RABGAP1L: variants seen among roughly 807,000 people sequenced by gnomAD.
The protein encoded by RABGAP1L is rab GTPase-activating protein 1-like.
RABGAP1L carries 63 observed loss-of-function variants against 137.7 expected under a neutral mutation model. The ratio of observed to expected loss-of-function variants is 0.46; its 90% confidence interval spans 0.37 to 0.56. RABGAP1L has a LOEUF of 0.56. RABGAP1L is among the 20% of genes least tolerant of loss of function. The pLI, the probability that RABGAP1L is intolerant of heterozygous loss-of-function variation, is 0.00. For synonymous variants in RABGAP1L, 431 were observed against 433.7 expected, an observed-to-expected ratio of 0.99 and a Z score of 0.08; for missense variants, 1,095 against 1,244.0, an observed-to-expected ratio of 0.88 and a Z score of 1.80.
chr1:174,326,266 A>G (rs1680433715), intron 11 of RABGAP1L, among the ~76,000 whole-genome samples: 1 of 152,240 alleles, frequency 6.6e-6, no homozygotes, highest in Non-Finnish European at 1.5e-5. Flanking sequence ...TGGACAAAGA[A>G]TTCAAAATAG....
At chr1:174,336,456 T>C (rs575779951) in intron 11 of RABGAP1L, among the ~76,000 whole-genome samples, 5 of 152,274 alleles carry the variant, frequency 3.3e-5, no homozygotes, top group African/African-American at 1.2e-4. Flanking sequence ...GAAAAGGAAC[T>C]AGAGGATATA....
At chr1:174,590,347 T>TTTA (rs774416743) in intron 13 of RABGAP1L, among the ~76,000 whole-genome samples, 2 of 134,014 alleles carry the variant, frequency 1.5e-5, no homozygotes, top group Admixed American at 7.5e-5. Context: ...TTTTTTTTTT[T>TTTA]ATTTATTTTT....
intron 17 of RABGAP1L, among the ~76,000 whole-genome samples, chr1:174,735,537 G>GC (rs1682857454): frequency 7.1e-6 from 1 of 140,116 alleles, no homozygotes; most frequent in African/African-American, 2.8e-5. Flanking sequence ...ACTTGAACCT[G>GC]GGAGGCAGAG....
chr1:174,929,651 G>T (rs1480097335), intron 19 of RABGAP1L, among the ~76,000 whole-genome samples: 1 of 151,880 alleles, frequency 6.6e-6, no homozygotes, highest in Admixed American at 6.6e-5. Flanking sequence ...GCTGAGGCAG[G>T]ATTATGGCTT....
intron 19 of RABGAP1L, among the ~76,000 whole-genome samples, chr1:174,852,909 A>G (rs1648619616): frequency 6.6e-6 from 1 of 152,120 alleles, no homozygotes; most frequent in African/African-American, 2.4e-5. Flanking sequence ...ACTAGTAGAA[A>G]AATGTTTCTA....
At chr1:174,474,302 T>C (rs1481820890) in intron 13 of RABGAP1L, among the ~76,000 whole-genome samples, 1 of 152,224 alleles carries the variant, frequency 6.6e-6, no homozygotes, top group Admixed American at 6.5e-5. Flanking sequence ...GTCAGCTTTT[T>C]AAAAATCTTT....
intron 17 of RABGAP1L, among the ~76,000 whole-genome samples, chr1:174,712,622 C>A (rs1680647138): frequency 6.6e-6 from 1 of 152,204 alleles, no homozygotes; most frequent in Admixed American, 6.5e-5. Flanking sequence ...AGACCAAGAA[C>A]CCACCAATTC....
chr1:174,599,213 G>A (rs1306473621), intron 13 of RABGAP1L, among the ~76,000 whole-genome samples: 1 of 152,168 alleles, frequency 6.6e-6, no homozygotes, highest in African/African-American at 2.4e-5. Flanking sequence ...AAAGCAGAAG[G>A]AAAACTAATA....
chr1:174,586,501 A>G (rs918459298), intron 13 of RABGAP1L, among the ~76,000 whole-genome samples: 4 of 152,142 alleles, frequency 2.6e-5, no homozygotes, highest in Middle Eastern at 3.2e-3. Context: ...ACGTTTACCT[A>G]TGTAACAAAC....
rs141804847 is a variant in RABGAP1L, at chr1:174,448,531, T to C, written c.1710+54386T>C. On this transcript the variant is annotated intron_variant, in intron 13 of 25. Coordinates refer to ENST00000681986, the MANE Select transcript of RABGAP1L (RefSeq NM_001366446.1). This position sits in a 1 kb window ranked among gnomAD's most constrained non-coding sequence, Gnocchi z 4.2. Reference sequence around the variant, plus strand: ...TTGCTTGCATCAGTGTGGATCGTTATCTTGCAATAACCAAGCCTCTTTCCT... The same window carrying C: ...TTGCTTGCATCAGTGTGGATCGTTACCTTGCAATAACCAAGCCTCTTTCCT... 5.6e-6 allele frequency: 9 copies of C among 1,613,166 alleles called. No homozygotes were observed. Among genetic ancestry groups the C allele is most frequent in the African/African-American group, 5.3e-5 (4 of 75,014 alleles).
intron 13 of RABGAP1L, among the ~76,000 whole-genome samples, chr1:174,455,459 A>T (rs1466125989): frequency 6.6e-6 from 1 of 152,044 alleles, no homozygotes; most frequent in Non-Finnish European, 1.5e-5. Flanking sequence ...GAGTTGTATG[A>T]CCTGTTCTTT....
chr1:174,508,466 C>G (rs950377230), intron 13 of RABGAP1L, among the ~76,000 whole-genome samples: 19 of 152,248 alleles, frequency 1.2e-4, no homozygotes, highest in African/African-American at 4.6e-4. Flanking sequence ...TCAATCATTT[C>G]TGCCATGTTC....
intron 18 of RABGAP1L, among the ~76,000 whole-genome samples, chr1:174,781,180 C>A (rs1686974172): frequency 6.6e-6 from 1 of 152,168 alleles, no homozygotes; most frequent in Non-Finnish European, 1.5e-5. Context: ...GTTTACAGTC[C>A]CACCAACACT....
chr1:174,765,003 C>T (rs184117401), intron 18 of RABGAP1L, among the ~76,000 whole-genome samples: 25 of 152,280 alleles, frequency 1.6e-4, no homozygotes, highest in Admixed American at 1.4e-3. Context: ...CTGTCAATCT[C>T]ATCTGTCCGT....
At chr1:174,215,038 A>AT (rs1669181328) in intron 1 of RABGAP1L, among the ~76,000 whole-genome samples, 1 of 152,246 alleles carries the variant, frequency 6.6e-6, no homozygotes, top group Admixed American at 6.5e-5. Context: ...AACAATCAAC[A>AT]AAGTGAAGAG....
At chr1:174,605,404 T>A (rs1441375067) in intron 13 of RABGAP1L, among the ~76,000 whole-genome samples, 1 of 152,210 alleles carries the variant, frequency 6.6e-6, no homozygotes, top group Admixed American at 6.5e-5. Flanking sequence ...TGCCATGATC[T>A]TTGCTCTTGA....
At chr1:174,400,958 AT>A (rs1225030720) in intron 13 of RABGAP1L, among the ~76,000 whole-genome samples, 1 of 152,130 alleles carries the variant, frequency 6.6e-6, no homozygotes, top group Non-Finnish European at 1.5e-5. Context: ...CTGGTAGTAA[AT>A]GACTCTAGGG....
At chr1:174,635,340 C>G (rs1393041134) in intron 13 of RABGAP1L, among the ~76,000 whole-genome samples, 7 of 152,104 alleles carry the variant, frequency 4.6e-5, no homozygotes, top group Non-Finnish European at 1.0e-4. Context: ...ATTTTTATTC[C>G]TCATCTTTCA....
At chr1:174,349,329 C>T (rs867013685) in intron 11 of RABGAP1L, among the ~76,000 whole-genome samples, 4,915 of 110,796 alleles carry the variant, frequency 0.044, 279 homozygotes, top group Admixed American at 0.061. Flanking sequence ...CCTCACCTCC[C>T]GGATGGGGCC....
Sources: allele counts gnomAD v4.1 joint callset (sites outside exome capture counted in the v4.1 genomes callset), GRCh38; gene constraint gnomAD v4.1.1; non-coding constraint Gnocchi (gnomAD v3.1); transcripts MANE v1.5; gene names NCBI Gene and HGNC (gene_info 2026-07-23, HGNC 2026-07-21).